The following KLHDC1 variants were observed in gnomAD, a reference collection of about 807,000 sequenced individuals.
KLHDC1 encodes the protein kelch domain-containing protein 1.
In KLHDC1, 53 loss-of-function variants were observed where a neutral mutation model predicts 68.3. The observed-to-expected ratio is 0.78, with a 90% CI of 0.62 to 0.98. The LOEUF (loss-of-function observed/expected upper bound fraction) is 0.98, where lower values mean the gene tolerates loss of function less well. Among genes scored for constraint, KLHDC1 ranks in the 50% least tolerant of loss-of-function variants. The pLI is 0.00. For missense variants in KLHDC1, 470 were observed against 492.3 expected, an observed-to-expected ratio of 0.95 and a Z score of 0.43; for synonymous variants, 148 against 159.0, an observed-to-expected ratio of 0.93 and a Z score of 0.52.
At chr14:49,706,418 T>C (rs1888051753) in intron 1 of KLHDC1, among the ~76,000 whole-genome samples, 1 of 152,208 alleles carries the variant, frequency 6.6e-6, no homozygotes, top group Non-Finnish European at 1.5e-5. Context: ...TTTTGGGTAT[T>C]GTGAACAGTG....
chr14:49,702,941 C>T lies in KLHDC1; in HGVS notation c.97-6218C>T, dbSNP rs1055697430. 2.0e-5 allele frequency among the ~76,000 whole-genome samples: 3 copies of T among 152,334 alleles called. No individual in the cohort carries two copies. In the East Asian group the frequency reaches 5.8e-4, roughly 29 times the overall value. On this transcript the variant is annotated intron_variant, in intron 1 of 12. Coordinates refer to ENST00000359332, the MANE Select transcript of KLHDC1 (RefSeq NM_172193.3). ...GTGTGCACCAGTGACCACAGACCTG[C>T]TCTCTTGGCATGGTTTCACACCTCA...
chr14:49,728,905 T>G (rs1888734680), intron 6 of KLHDC1, 21 bp from the exon 7 acceptor site: 1 of 1,543,722 alleles, frequency 6.5e-7, no homozygotes, highest in Admixed American at 1.7e-5. Flanking sequence ...CTTTGCAGTC[T>G]GTTCTGATTT....
chr14:49,737,961 A>C (rs1275193850), intron 10 of KLHDC1, among the ~76,000 whole-genome samples: 1 of 152,242 alleles, frequency 6.6e-6, no homozygotes, highest in African/African-American at 2.4e-5. Flanking sequence ...AAAATTGGGA[A>C]ATTTTTTTGA....
intron 10 of KLHDC1, among the ~76,000 whole-genome samples, chr14:49,738,408 G>A (rs1313854888): frequency 5.4e-5 from 8 of 146,866 alleles, no homozygotes; most frequent in African/African-American, 2.0e-4. Flanking sequence ...GTGTGATGTC[G>A]GCTCACTGCA....
chr14:49,728,220 G>T (rs1037790588), intron 6 of KLHDC1, among the ~76,000 whole-genome samples: 1 of 152,204 alleles, frequency 6.6e-6, no homozygotes, highest in Non-Finnish European at 1.5e-5. Flanking sequence ...CTACTGGGGA[G>T]GTTGAGGCAG....
chr14:49,701,673 C>CA (rs976115463), intron 1 of KLHDC1, among the ~76,000 whole-genome samples: 2 of 151,072 alleles, frequency 1.3e-5, no homozygotes, highest in Non-Finnish European at 3.0e-5. Context: ...AAAACAAAAA[C>CA]AAAAAAATAC....
chr14:49,736,101 T>C (rs566182597), intron 10 of KLHDC1, among the ~76,000 whole-genome samples: 2 of 152,334 alleles, frequency 1.3e-5, no homozygotes, highest in African/African-American at 4.8e-5. Flanking sequence ...TTTATTCCAG[T>C]TGTTTGATTG....
intron 1 of KLHDC1, among the ~76,000 whole-genome samples, chr14:49,697,437 C>CA (rs1189598198): frequency 6.6e-6 from 1 of 152,144 alleles, no homozygotes; most frequent in Non-Finnish European, 1.5e-5. Context: ...ATCACCATAA[C>CA]AGATATAATA....
At chr14:49,724,502 C>T (rs1000986108) in intron 5 of KLHDC1, among the ~76,000 whole-genome samples, 12 of 151,062 alleles carry the variant, frequency 7.9e-5, no homozygotes, top group African/African-American at 2.9e-4. Flanking sequence ...TTAGTTTTAC[C>T]TTCTACTAGC....
chr14:49,700,503 G>A (rs1887873608), intron 1 of KLHDC1, among the ~76,000 whole-genome samples: 1 of 152,178 alleles, frequency 6.6e-6, no homozygotes, highest in Non-Finnish European at 1.5e-5. Flanking sequence ...AGGATCACTT[G>A]AGCCCATGTG....
At chr14:49,701,964 T>A (rs1367679497) in intron 1 of KLHDC1, among the ~76,000 whole-genome samples, 1 of 151,214 alleles carries the variant, frequency 6.6e-6, no homozygotes, top group Non-Finnish European at 1.5e-5. Context: ...AGGTCAGGAG[T>A]GGGAGACCAG....
At chr14:49,713,248 C>G (rs1352777870) in intron 4 of KLHDC1, among the ~76,000 whole-genome samples, 1 of 152,158 alleles carries the variant, frequency 6.6e-6, no homozygotes, top group Non-Finnish European at 1.5e-5. Flanking sequence ...GCTACCGCGC[C>G]CAGCCCATAG....
intron 12 of KLHDC1, among the ~76,000 whole-genome samples, chr14:49,744,885 T>C (rs1889163592): frequency 6.6e-6 from 1 of 152,214 alleles, no homozygotes; most frequent in Admixed American, 6.5e-5. Flanking sequence ...AATTTCTTTT[T>C]TAACCCCAAA....
chr14:49,720,871 T>C (rs1475896348), intron 4 of KLHDC1, among the ~76,000 whole-genome samples: 1 of 152,206 alleles, frequency 6.6e-6, no homozygotes, highest in East Asian at 1.9e-4. Context: ...AATTACCAAG[T>C]TCCAGGAAGG....
intron 12 of KLHDC1, among the ~76,000 whole-genome samples, chr14:49,749,530 T>C (rs1889276830): frequency 6.6e-6 from 1 of 151,554 alleles, no homozygotes; most frequent in East Asian, 1.9e-4. Flanking sequence ...ACAAAAAAAT[T>C]AGCTGGGCAT....
At chr14:49,707,582 G>C (rs1456360894) in intron 1 of KLHDC1, 4 of 150,034 alleles carry the variant, frequency 2.7e-5, no homozygotes, top group African/African-American at 9.8e-5. Flanking sequence ...TCTTGATCTT[G>C]TGATCCACCT....
intron 1 of KLHDC1, among the ~76,000 whole-genome samples, chr14:49,703,169 T>C (rs975500670): frequency 6.6e-6 from 1 of 152,078 alleles, no homozygotes; most frequent in Non-Finnish European, 1.5e-5. Flanking sequence ...CTTTATTGTT[T>C]ATTATGCAGG....
chr14:49,730,222 GTTTTTT>G (rs11340525), intron 8 of KLHDC1, among the ~76,000 whole-genome samples: 1 of 98,950 alleles, frequency 1.0e-5, no homozygotes, highest in Non-Finnish European at 2.2e-5. Context: ...ATATTTGCAG[GTTTTTT>G]TTTTTTTTTT....
intron 11 of KLHDC1, among the ~76,000 whole-genome samples, chr14:49,740,464 A>T (rs1003170307): frequency 6.6e-6 from 1 of 152,002 alleles, no homozygotes; most frequent in African/African-American, 2.4e-5. Context: ...CAGCCTCCCG[A>T]GTAGCTGGGA....
Sources: allele counts gnomAD v4.1 joint callset (sites outside exome capture counted in the v4.1 genomes callset), GRCh38; gene constraint gnomAD v4.1.1; transcripts MANE v1.5; gene names NCBI Gene and HGNC (gene_info 2026-07-23, HGNC 2026-07-21).